The following RBFOX1 variants were observed in gnomAD, a reference collection of about 807,000 sequenced individuals.
The protein encoded by RBFOX1 is RNA binding protein fox-1 homolog 1.
RBFOX1 carries 8 observed loss-of-function variants against 57.7 expected under a neutral mutation model. The observed-to-expected ratio is 0.14, with a 90% CI of 0.08 to 0.25. RBFOX1 has a LOEUF of 0.25. Among genes scored for constraint, RBFOX1 ranks in the 10% least tolerant of loss-of-function variants. The probability of loss-of-function intolerance (pLI) is 1.00; values close to 1 mark genes in which losing one functional copy is unlikely to be tolerated. For synonymous variants in RBFOX1, 326 were observed against 222.4 expected, an observed-to-expected ratio of 1.47 and a Z score of -4.15; for missense variants, 611 against 548.5, an observed-to-expected ratio of 1.11 and a Z score of -1.14.
intron 4 of RBFOX1, among the ~76,000 whole-genome samples, chr16:7,196,695 C>T (rs905029533): frequency 2.0e-5 from 3 of 152,130 alleles, no homozygotes; most frequent in African/African-American, 7.2e-5. Flanking sequence ...GCAAAGGCAT[C>T]TGTGTACAGA....
At chr16:6,808,848 A>G (rs1339053918) in intron 3 of RBFOX1, among the ~76,000 whole-genome samples, 4 of 152,160 alleles carry the variant, frequency 2.6e-5, no homozygotes, top group Non-Finnish European at 4.4e-5. Flanking sequence ...CCTCTTACCA[A>G]GGGAATACTT....
chr16:6,932,571 G>T (rs987438790), intron 3 of RBFOX1, among the ~76,000 whole-genome samples: 5 of 152,250 alleles, frequency 3.3e-5, no homozygotes, highest in African/African-American at 1.2e-4. Flanking sequence ...AGTGCTGGCT[G>T]TAGGTCGTAG....
At chr16:7,601,589 A>C (rs34842787) in intron 9 of RBFOX1, among the ~76,000 whole-genome samples, 73,837 of 151,960 alleles carry the variant, frequency 0.49, 21,523 homozygotes, top group Non-Finnish European at 0.64. Flanking sequence ...TTTCTTACTG[A>C]AGTAAAGCAA....
intron 3 of RBFOX1, among the ~76,000 whole-genome samples, chr16:6,952,708 T>TG (rs1180923180): frequency 6.6e-6 from 1 of 152,058 alleles, no homozygotes; most frequent in African/African-American, 2.4e-5. Context: ...CCGGGCACGG[T>TG]GGCTCATGCC....
At chr16:7,111,230 C>G (rs2064702544) in intron 4 of RBFOX1, among the ~76,000 whole-genome samples, 1 of 152,120 alleles carries the variant, frequency 6.6e-6, no homozygotes. Flanking sequence ...CTTTGTCAAA[C>G]TGAAGTATTT....
At chr16:5,749,124 T>C (rs1033058394) in intron 3 of RBFOX1, among the ~76,000 whole-genome samples, 26 of 152,208 alleles carry the variant, frequency 1.7e-4, no homozygotes, top group Non-Finnish European at 2.6e-4. Flanking sequence ...TCTCTTTCAC[T>C]TATGAAGCTT....
intron 2 of RBFOX1, among the ~76,000 whole-genome samples, chr16:6,509,597 G>A (rs891508964): frequency 6.6e-6 from 1 of 152,162 alleles, no homozygotes; most frequent in African/African-American, 2.4e-5. Flanking sequence ...TAGTTAAAAA[G>A]AACGAATAAG....
At chr16:6,121,454 C>T (rs2096548606) in intron 1 of RBFOX1, among the ~76,000 whole-genome samples, 1 of 152,332 alleles carries the variant, frequency 6.6e-6, no homozygotes, top group Middle Eastern at 3.4e-3. Context: ...ACCTGCTTCT[C>T]TTCATCTCAG....
chr16:7,280,586 A>G (rs2095521539), intron 4 of RBFOX1, among the ~76,000 whole-genome samples: 1 of 152,124 alleles, frequency 6.6e-6, no homozygotes, highest in Admixed American at 6.5e-5. Flanking sequence ...CTTGAGTGAC[A>G]TCTCAGTGGG....
intron 1 of RBFOX1, among the ~76,000 whole-genome samples, chr16:6,205,785 G>C (rs1208590924): frequency 4.9e-5 from 7 of 142,814 alleles, no homozygotes; most frequent in African/African-American, 1.9e-4. Context: ...AACTGGTTTT[G>C]GTTTGTTTAA....
chr16:7,027,480 G>T (rs1348009031), intron 3 of RBFOX1, among the ~76,000 whole-genome samples: 2 of 151,806 alleles, frequency 1.3e-5, no homozygotes, highest in African/African-American at 2.4e-5. Flanking sequence ...CTTGCCCAAG[G>T]TCAGGCAGAG....
chr16:5,836,084 A>G (rs934543830), intron 3 of RBFOX1, among the ~76,000 whole-genome samples: 3 of 152,208 alleles, frequency 2.0e-5, no homozygotes, highest in African/African-American at 7.2e-5. Flanking sequence ...TGTAGCTTGC[A>G]GCAGATGTTT....
chr16:7,334,854 G>A (rs769220485), intron 4 of RBFOX1, among the ~76,000 whole-genome samples: 1 of 152,186 alleles, frequency 6.6e-6, no homozygotes, highest in Non-Finnish European at 1.5e-5. Context: ...GGTCTTACTT[G>A]TAAATCTTAG....
rs2055953409 is a variant in RBFOX1 at position 5,824,160 on chromosome 16, C to T, written c.319-43143C>T. 2.0e-5 allele frequency among the ~76,000 whole-genome samples: 3 copies of T among 152,166 alleles called. No homozygotes were observed. The South Asian group carries it at 6.2e-4, about 31-fold the overall frequency. ...CTTATCCACTTTGAGGACTAAGAAGCCAAGGATCAGAATGATTAAATTAAT... is the reference window on the plus strand; with the variant it reads ...CTTATCCACTTTGAGGACTAAGAAGTCAAGGATCAGAATGATTAAATTAAT... On this transcript the variant is annotated intron_variant, in intron 3 of 19. Transcript: ENST00000641259.
At chr16:5,458,575 C>T (rs1245050763) in intron 1 of RBFOX1, among the ~76,000 whole-genome samples, 2 of 152,222 alleles carry the variant, frequency 1.3e-5, no homozygotes, top group Non-Finnish European at 2.9e-5. Flanking sequence ...AAAGGTTAGG[C>T]AAGGCCTCAC....
At chr16:6,808,660 C>G (rs1036504529) in intron 3 of RBFOX1, among the ~76,000 whole-genome samples, 5 of 152,038 alleles carry the variant, frequency 3.3e-5, no homozygotes, top group African/African-American at 9.7e-5. Context: ...TCTTATTTTA[C>G]CAGGCAGAAA....
chr16:6,296,589 C>G (rs961858943), intron 1 of RBFOX1, among the ~76,000 whole-genome samples: 1 of 151,966 alleles, frequency 6.6e-6, no homozygotes, highest in Admixed American at 6.6e-5. Flanking sequence ...CCTGGCTAAT[C>G]TTTTATATTT....
rs75335671 is a variant in RBFOX1 at position 6,217,830 on chromosome 16, C to G, written c.-126-99165C>G. Among the ~76,000 whole-genome samples the G allele has an allele frequency of 8.1e-3, 1,235 of 152,234 alleles. 21 individuals are homozygous for G. The highest frequency in any genetic ancestry group is 0.028 in the African/African-American group (1,145 of 41,522). On this transcript the variant is annotated intron_variant, in intron 1 of 15. Transcript: ENST00000550418. Reference sequence around the variant, plus strand: ...AAGGGTTTGAGACCAGCCGGGCGAACATGGCAAAACTCTGTATCTAGTAAA... The same window carrying G: ...AAGGGTTTGAGACCAGCCGGGCGAAGATGGCAAAACTCTGTATCTAGTAAA...
At chr16:5,835,873 G>A (rs1374917163) in intron 3 of RBFOX1, among the ~76,000 whole-genome samples, 6 of 152,168 alleles carry the variant, frequency 3.9e-5, no homozygotes, top group East Asian at 1.9e-4. Context: ...CCCTCCCAGA[G>A]CACAGTCCCA....
Sources: allele counts gnomAD v4.1 joint callset (sites outside exome capture counted in the v4.1 genomes callset), GRCh38; gene constraint gnomAD v4.1.1; transcripts MANE v1.5; gene names NCBI Gene and HGNC (gene_info 2026-07-23, HGNC 2026-07-21).